Variants in LYPD6 observed in about 807,000 individuals in gnomAD.
LYPD6 encodes the protein ly6/PLAUR domain-containing protein 6.
In LYPD6, 15 loss-of-function variants were observed where a neutral mutation model predicts 22.7. The observed-to-expected ratio is 0.66, with a 90% CI of 0.44 to 1.02. The LOEUF is 1.02. Ranked by LOEUF, LYPD6 falls within the 50% of genes least tolerant of loss-of-function variation. The pLI, the probability that LYPD6 is intolerant of heterozygous loss-of-function variation, is 0.00. For synonymous variants in LYPD6, 72 were observed against 77.5 expected (o/e 0.93, Z 0.37); for missense variants, 189 against 208.4 (o/e 0.91, Z 0.57).
chr2:149,479,953 C>T, the LYPD6 span, among the ~76,000 whole-genome samples: 1 of 152,102 alleles, frequency 6.6e-6, no homozygotes, highest in African/African-American at 2.4e-5. Context: ...CCTCCATGGC[C>T]TCACACCTGT....
chr2:149,360,903 A>G (rs1040141755), intron 1 of LYPD6, among the ~76,000 whole-genome samples: 4 of 152,202 alleles, frequency 2.6e-5, no homozygotes, highest in African/African-American at 9.6e-5. Context: ...TAATTTTTCA[A>G]TGTACTTTCC....
At chr2:149,465,258 G>T (rs898842664) in intron 3 of LYPD6, among the ~76,000 whole-genome samples, 1 of 152,148 alleles carries the variant, frequency 6.6e-6, no homozygotes, top group Admixed American at 6.6e-5. Flanking sequence ...TAGAGTCCCA[G>T]AGTCACAAAG....
At chr2:149,394,421 A>T (rs1196689) in intron 1 of LYPD6, among the ~76,000 whole-genome samples, 129,286 of 152,124 alleles carry the variant, frequency 0.85, 55,149 homozygotes, top group East Asian at 1. Context: ...CGTATTTAAC[A>T]CCTCAAAATA....
chr2:149,442,891 C>A (rs952841042), intron 2 of LYPD6, among the ~76,000 whole-genome samples: 5 of 152,072 alleles, frequency 3.3e-5, no homozygotes, highest in African/African-American at 9.7e-5. Context: ...TTCCTACAAG[C>A]AAATATTAAA....
intron 1 of LYPD6, among the ~76,000 whole-genome samples, chr2:149,389,224 A>G (rs1445231232): frequency 6.6e-6 from 1 of 152,150 alleles, no homozygotes; most frequent in Non-Finnish European, 1.5e-5. Flanking sequence ...TTTTCCTAGG[A>G]AGCTCTTTCA....
chr2:149,434,189 T>C (rs1683382430), intron 1 of LYPD6, among the ~76,000 whole-genome samples: 1 of 152,088 alleles, frequency 6.6e-6, no homozygotes, highest in Non-Finnish European at 1.5e-5. Flanking sequence ...GGGGGAAGCA[T>C]GTTTGACAAT....
chr2:149,424,489 C>G (rs1683149703), intron 1 of LYPD6, among the ~76,000 whole-genome samples: 1 of 152,202 alleles, frequency 6.6e-6, no homozygotes, highest in Non-Finnish European at 1.5e-5. Context: ...AAAGCTGGGA[C>G]TTGAGCCCAA....
chr2:149,479,166 C>T, the LYPD6 span, among the ~76,000 whole-genome samples: 19 of 152,266 alleles, frequency 1.2e-4, no homozygotes, highest in African/African-American at 3.1e-4. Context: ...TTCAACACTT[C>T]GTCTAGTCCC....
intron 1 of LYPD6, among the ~76,000 whole-genome samples, chr2:149,380,685 G>A (rs1296372384): frequency 1.3e-5 from 2 of 152,184 alleles, no homozygotes; most frequent in African/African-American, 4.8e-5. Flanking sequence ...GTTGGATACA[G>A]AAGTATGCAA....
chr2:149,463,180 T>C (rs927822734), intron 3 of LYPD6, among the ~76,000 whole-genome samples: 5 of 151,980 alleles, frequency 3.3e-5, no homozygotes, highest in Admixed American at 6.6e-5. Context: ...TAAATAATTT[T>C]CAGAACACAC....
At chr2:149,346,762 G>A (rs185346830) in intron 1 of LYPD6, among the ~76,000 whole-genome samples, 8 of 152,204 alleles carry the variant, frequency 5.3e-5, no homozygotes, top group South Asian at 2.1e-4. Flanking sequence ...GTGCAGTGGC[G>A]TGATCTCGGC....
intron 3 of LYPD6, among the ~76,000 whole-genome samples, chr2:149,460,177 C>T (rs924467775): frequency 1.3e-5 from 2 of 152,000 alleles, no homozygotes; most frequent in African/African-American, 2.4e-5. Context: ...TTTGTCTTAC[C>T]ATATCAATAA....
At chr2:149,330,947 G>C (rs1680924677) in intron 1 of LYPD6, among the ~76,000 whole-genome samples, 1 of 152,200 alleles carries the variant, frequency 6.6e-6, no homozygotes, top group Non-Finnish European at 1.5e-5. Context: ...GTCCAGAGGG[G>C]CGTGTGTACT....
intron 1 of LYPD6, among the ~76,000 whole-genome samples, chr2:149,359,326 C>T (rs995483350): frequency 1.3e-5 from 2 of 152,188 alleles, no homozygotes; most frequent in East Asian, 1.9e-4. Context: ...GTGCCTGGCA[C>T]ACAGTAGGCA....
intron 1 of LYPD6, among the ~76,000 whole-genome samples, chr2:149,404,000 T>C (rs1382389288): frequency 6.6e-6 from 1 of 152,126 alleles, no homozygotes; most frequent in Non-Finnish European, 1.5e-5. Context: ...ATCCTTTCCC[T>C]ATTGCTTATT....
chr2:149,427,754 A>G lies in LYPD6; in HGVS notation c.-71-9884A>G, dbSNP rs987784381. Among the ~76,000 whole-genome samples, 11 of 152,352 alleles carry G rather than the reference A, an allele frequency of 7.2e-5. No individual in the cohort carries two copies. The East Asian group carries it at 1.7e-3, about 24-fold the overall frequency. The stretch of plus-strand genomic sequence containing the variant: ...AGTAGGCTATACCATCTGGGCTTGT[A>G]TAAGTACACTCTATGATGTTCACAC... On this transcript the variant is annotated intron_variant, in intron 1 of 4. Coordinates refer to ENST00000334166, the MANE Select transcript of LYPD6 (RefSeq NM_194317.5).
At chr2:149,370,794 C>T (rs150654399) in intron 1 of LYPD6, among the ~76,000 whole-genome samples, 1 of 152,020 alleles carries the variant, frequency 6.6e-6, no homozygotes, top group African/African-American at 2.4e-5. Context: ...CCTGTCCCTA[C>T]AAAAAATAAA....
intron 1 of LYPD6, among the ~76,000 whole-genome samples, chr2:149,353,870 G>A (rs572416585): frequency 6.6e-6 from 1 of 152,086 alleles, no homozygotes; most frequent in African/African-American, 2.4e-5. Flanking sequence ...AGAGATGATG[G>A]TGGAAACAGT....
At chr2:149,432,755 A>G (rs1019969041) in intron 1 of LYPD6, among the ~76,000 whole-genome samples, 3 of 152,128 alleles carry the variant, frequency 2.0e-5, no homozygotes, top group African/African-American at 7.2e-5. Context: ...TGCATCTTCC[A>G]AATAGTGTTA....
Sources: allele counts gnomAD v4.1 joint callset (sites outside exome capture counted in the v4.1 genomes callset), GRCh38; gene constraint gnomAD v4.1.1; transcripts MANE v1.5; gene names NCBI Gene and HGNC (gene_info 2026-07-23, HGNC 2026-07-21).